Variants in TUSC3 observed in about 807,000 individuals in gnomAD.
TUSC3 encodes the protein dolichyl-diphosphooligosaccharide--protein glycosyltransferase subunit TUSC3.
TUSC3 carries 45 observed loss-of-function variants against 44.8 expected under a neutral mutation model. The observed-to-expected ratio is 1.00, with a 90% CI of 0.79 to 1.29. The LOEUF is 1.29. Ranked by LOEUF, TUSC3 falls within the 50% of genes most tolerant of loss-of-function variation. The pLI, the probability that TUSC3 is intolerant of heterozygous loss-of-function variation, is 0.00. For synonymous variants in TUSC3, 212 were observed against 152.9 expected (o/e 1.39, Z -2.85); for missense variants, 519 against 437.9 (o/e 1.19, Z -1.65).
the TUSC3 span, among the ~76,000 whole-genome samples, chr8:15,835,468 T>C: frequency 5.7e-4 from 87 of 152,314 alleles, no homozygotes; most frequent in African/African-American, 1.9e-3. Flanking sequence ...TTTGCTAGTT[T>C]GGTTTTTTAA....
At chr8:15,635,718 C>T (rs946360331) in intron 2 of TUSC3, among the ~76,000 whole-genome samples, 3 of 152,156 alleles carry the variant, frequency 2.0e-5, no homozygotes, top group African/African-American at 7.2e-5. Flanking sequence ...ACTAGCATGG[C>T]TGCTGCCCTG....
intron 6 of TUSC3, among the ~76,000 whole-genome samples, chr8:15,685,499 T>TA (rs1200401984): frequency 6.6e-6 from 1 of 152,224 alleles, no homozygotes; most frequent in African/African-American, 2.4e-5. Context: ...TAAAAATTCT[T>TA]AAACAGTTGG....
At chr8:15,659,195 A>G (rs1807309318) in intron 3 of TUSC3, among the ~76,000 whole-genome samples, 1 of 152,122 alleles carries the variant, frequency 6.6e-6, no homozygotes, top group South Asian at 2.1e-4. Context: ...ACTTTCAGTC[A>G]CTTTTTTTTA....
chr8:15,756,902 G>A (rs934000771), intron 9 of TUSC3, among the ~76,000 whole-genome samples: 2 of 152,158 alleles, frequency 1.3e-5, no homozygotes, highest in Non-Finnish European at 2.9e-5. Flanking sequence ...TAGCACATTG[G>A]GAGGCTGAGG....
intron 1 of TUSC3, among the ~76,000 whole-genome samples, chr8:15,445,281 G>A (rs1312006845): frequency 3.3e-5 from 5 of 151,778 alleles, no homozygotes; most frequent in Non-Finnish European, 7.4e-5. Context: ...CCAGGAAAAA[G>A]TAAAACTCTA....
intron 7 of TUSC3, 154 bp from the exon 8 acceptor site, chr8:15,743,384 G>C (rs781336662): frequency 1.8e-5 from 14 of 771,716 alleles, no homozygotes; most frequent in Non-Finnish European, 2.6e-5. Context: ...TGCTCACAAA[G>C]AATGGTAATT....
chr8:15,843,610 A>ATG, the TUSC3 span, among the ~76,000 whole-genome samples: 1 of 147,418 alleles, frequency 6.8e-6, no homozygotes, highest in East Asian at 1.9e-4. Flanking sequence ...ATATATATAT[A>ATG]TATATATATA....
At chr8:15,742,840 G>A (rs1811252717) in intron 7 of TUSC3, among the ~76,000 whole-genome samples, 1 of 152,186 alleles carries the variant, frequency 6.6e-6, no homozygotes, top group Non-Finnish European at 1.5e-5. Flanking sequence ...GGCAAAGAAT[G>A]TTTTTATGAA....
chr8:15,749,341 C>T (rs1811589302), intron 9 of TUSC3, among the ~76,000 whole-genome samples: 1 of 152,112 alleles, frequency 6.6e-6, no homozygotes, highest in African/African-American at 2.4e-5. Context: ...CAGATCATAG[C>T]AGCAATATAT....
At chr8:15,666,897 C>T (rs1008807838) in intron 5 of TUSC3, among the ~76,000 whole-genome samples, 5 of 151,200 alleles carry the variant, frequency 3.3e-5, no homozygotes, top group African/African-American at 9.7e-5. Flanking sequence ...AAAATGAATT[C>T]GTATATTTTT....
chr8:15,603,668 A>G (rs1324685440), intron 1 of TUSC3, among the ~76,000 whole-genome samples: 1 of 151,672 alleles, frequency 6.6e-6, no homozygotes, highest in Non-Finnish European at 1.5e-5. Flanking sequence ...GATAGCCATT[A>G]CAAGTTCAAA....
the TUSC3 span, among the ~76,000 whole-genome samples, chr8:15,844,647 G>A: frequency 2.0e-5 from 3 of 152,052 alleles, no homozygotes; most frequent in African/African-American, 7.2e-5. Flanking sequence ...TTATTGCAAT[G>A]GTAAAAGCAT....
chr8:15,779,758 A>G, the TUSC3 span, among the ~76,000 whole-genome samples: 1 of 152,310 alleles, frequency 6.6e-6, no homozygotes, highest in East Asian at 1.9e-4. Flanking sequence ...TATATGTTTT[A>G]CCATAATCTG....
chr8:15,652,163 G>C (rs1196764869), intron 3 of TUSC3, among the ~76,000 whole-genome samples: 1 of 152,132 alleles, frequency 6.6e-6, no homozygotes, highest in Non-Finnish European at 1.5e-5. Flanking sequence ...AAAACTTAGT[G>C]CAGTTCCGGG....
the TUSC3 span, among the ~76,000 whole-genome samples, chr8:15,849,645 T>G: frequency 2.0e-5 from 3 of 152,124 alleles, no homozygotes; most frequent in African/African-American, 7.2e-5. Flanking sequence ...CCTCTCACAC[T>G]AGCAAATCCT....
chr8:15,482,297 A>T (rs1414091321), intron 1 of TUSC3, among the ~76,000 whole-genome samples: 1 of 152,194 alleles, frequency 6.6e-6, no homozygotes, highest in Non-Finnish European at 1.5e-5. Flanking sequence ...GGTTGGAATC[A>T]ACTTCTTTCA....
At chr8:15,692,299 C>G (rs62502156) in intron 6 of TUSC3, among the ~76,000 whole-genome samples, 98 of 133,276 alleles carry the variant, frequency 7.4e-4, no homozygotes, top group Non-Finnish European at 1.4e-3. Flanking sequence ...TTTGTTGTTT[C>G]TCTGTTAGTT....
At chr8:15,725,417 G>T (rs1214351187) in intron 6 of TUSC3, among the ~76,000 whole-genome samples, 1 of 152,102 alleles carries the variant, frequency 6.6e-6, no homozygotes, top group Non-Finnish European at 1.5e-5. Flanking sequence ...ATATCAGGTT[G>T]GGTATATAAG....
intron 1 of TUSC3, among the ~76,000 whole-genome samples, chr8:15,591,204 C>G (rs1803822991): frequency 6.6e-6 from 1 of 151,968 alleles, no homozygotes; most frequent in Non-Finnish European, 1.5e-5. Context: ...GGGTGTTTTT[C>G]AGCTTAATCA....
Sources: gnomAD v4.1 joint callset for allele counts (sites outside exome capture counted in the v4.1 genomes callset) on GRCh38, gnomAD v4.1.1 for gene constraint, MANE v1.5 for transcripts, NCBI Gene and HGNC (gene_info 2026-07-23, HGNC 2026-07-21) for gene names.